DPP10: variants seen among roughly 807,000 people sequenced by gnomAD.
DPP10 encodes dipeptidyl peptidase like 10.
DPP10 carries 33 observed loss-of-function variants against 120.9 expected under a neutral mutation model. The ratio of observed to expected loss-of-function variants is 0.27; its 90% CI spans 0.21 to 0.37. The LOEUF is 0.37. Among genes scored for constraint, DPP10 ranks in the 10% least tolerant of loss-of-function variants. DPP10 has a pLI of 1.00. For missense variants in DPP10, 816 were observed against 942.8 expected (o/e 0.87, Z 1.76); for synonymous variants, 337 against 326.1 (o/e 1.03, Z -0.36).
intron 19 of DPP10, among the ~76,000 whole-genome samples, chr2:115,805,119 C>A (rs1219589097): frequency 6.6e-6 from 1 of 152,176 alleles, no homozygotes; most frequent in African/African-American, 2.4e-5. Context: ...TCTACTCAAG[C>A]CTCAGCAATG....
At chr2:115,077,122 C>G (rs999909643) in intron 1 of DPP10, among the ~76,000 whole-genome samples, 3 of 152,184 alleles carry the variant, frequency 2.0e-5, no homozygotes, top group African/African-American at 7.2e-5. Flanking sequence ...CTCCCTGATT[C>G]TTTCCATGCG....
rs182887590 is a variant in DPP10, at chr2:114,778,247, T to A, written c.60+335409T>A. Among the ~76,000 whole-genome samples, 118 of 152,260 alleles carry A rather than the reference T, an allele frequency of 7.7e-4. 3 individuals carry two copies. The highest frequency in any genetic ancestry group is 3.4e-3 in the Middle Eastern group (1 of 294). On this transcript the variant is annotated intron_variant, in intron 1 of 25. Transcript: ENST00000410059. ...GTCTTACTCTCTGGGTCAAGAAGGT[T>A]ATTTCAAAATGCAAGTTACTAAAGT...
chr2:114,986,449 C>T (rs1470594888), intron 1 of DPP10, among the ~76,000 whole-genome samples: 1 of 152,148 alleles, frequency 6.6e-6, no homozygotes, highest in Non-Finnish European at 1.5e-5. Flanking sequence ...ATCATTTACA[C>T]CTGCTTCCCT....
chr2:115,492,718 G>A (rs1290857208), intron 3 of DPP10, among the ~76,000 whole-genome samples: 4 of 152,028 alleles, frequency 2.6e-5, no homozygotes, highest in African/African-American at 9.7e-5. Flanking sequence ...GGTATAGATC[G>A]TTTCAATTCT....
intron 1 of DPP10, among the ~76,000 whole-genome samples, chr2:114,836,491 G>A (rs2106430083): frequency 6.6e-6 from 1 of 152,278 alleles, no homozygotes; most frequent in Non-Finnish European, 1.5e-5. Flanking sequence ...AAAGGGGAGG[G>A]AGTGTACGAA....
At chr2:115,378,449 T>C (rs1425512250) in intron 3 of DPP10, among the ~76,000 whole-genome samples, 1 of 151,772 alleles carries the variant, frequency 6.6e-6, no homozygotes, top group East Asian at 1.9e-4. Context: ...AAGGAGATTT[T>C]GGGCTGAGAC....
chr2:115,727,943 T>G lies in DPP10; in HGVS notation c.697+7T>G. 1 of 1,593,096 alleles carries G rather than the reference T, an allele frequency of 6.3e-7. No homozygotes were observed. Among genetic ancestry groups the G allele is most frequent in the Non-Finnish European group, 8.5e-7 (1 of 1,173,464 alleles). Reference sequence around the variant, plus strand: ...GCTGACTGGTTATATGAAGGTGAGTTGATCAGATTTAGTTTCAAAGGAAAC... The same window carrying G: ...GCTGACTGGTTATATGAAGGTGAGTGGATCAGATTTAGTTTCAAAGGAAAC... On this transcript the variant is annotated splice_region_variant and intron_variant, in intron 8 of 25. Transcript: ENST00000410059.
At chr2:115,511,132 T>C (rs534552641) in intron 4 of DPP10, among the ~76,000 whole-genome samples, 1 of 152,264 alleles carries the variant, frequency 6.6e-6, no homozygotes, top group South Asian at 2.1e-4. Context: ...TAGCAAATTG[T>C]TTCTTCCTTT....
intron 1 of DPP10, among the ~76,000 whole-genome samples, chr2:114,643,967 C>T (rs568782587): frequency 1.3e-4 from 17 of 135,644 alleles, no homozygotes; most frequent in African/African-American, 2.0e-4. Flanking sequence ...CAGAGTCTTG[C>T]GTTGTCATCC....
At chr2:114,526,304 C>T (rs537131364) in intron 1 of DPP10, among the ~76,000 whole-genome samples, 2 of 152,246 alleles carry the variant, frequency 1.3e-5, no homozygotes, top group Non-Finnish European at 2.9e-5. Context: ...TTGCTTGTTT[C>T]CCGTTCTGTT....
At chr2:115,435,105 T>C (rs1307598398) in intron 3 of DPP10, among the ~76,000 whole-genome samples, 1 of 151,664 alleles carries the variant, frequency 6.6e-6, no homozygotes, top group African/African-American at 2.4e-5. Flanking sequence ...TCATCTGTTA[T>C]TCCATATATT....
At position 114,866,619 on chromosome 2, in the gene DPP10, T is replaced by C. The variant is rs372404754; in HGVS notation, c.60+423781T>C. Among the ~76,000 whole-genome samples the C allele has an allele frequency of 4.1e-4, 63 of 152,342 alleles. No homozygotes were observed. In the South Asian group the frequency reaches 0.013, roughly 31 times the overall value. On this transcript the variant is annotated intron_variant, in intron 1 of 25. Coordinates refer to ENST00000410059, the MANE Select transcript of DPP10 (RefSeq NM_020868.6). ...TTTAATAGTCAAGGCAGCTGAGGTT[T>C]AGAGATGTTAAGTAATTTGCCCAAG...
intron 1 of DPP10, among the ~76,000 whole-genome samples, chr2:114,879,257 A>T (rs1691410311): frequency 6.6e-6 from 1 of 151,888 alleles, no homozygotes; most frequent in Admixed American, 6.6e-5. Flanking sequence ...TATAAGACAT[A>T]GTCCCTACCC....
At chr2:115,171,203 A>G (rs1349189960) in intron 1 of DPP10, among the ~76,000 whole-genome samples, 2 of 151,888 alleles carry the variant, frequency 1.3e-5, no homozygotes, top group African/African-American at 4.8e-5. Flanking sequence ...TCTACTAAAA[A>G]TACAAAAATT....
intron 1 of DPP10, among the ~76,000 whole-genome samples, chr2:115,286,920 T>C (rs534891362): frequency 6.6e-6 from 1 of 152,074 alleles, no homozygotes; most frequent in Non-Finnish European, 1.5e-5. Flanking sequence ...CATGGCAGCT[T>C]ATAATATTTA....
intron 1 of DPP10, among the ~76,000 whole-genome samples, chr2:114,767,207 C>CAAAAAAAAAAAAAAAAAA (rs5833559): frequency 1.2e-4 from 4 of 33,060 alleles, no homozygotes; most frequent in African/African-American, 2.5e-4. Flanking sequence ...AGGATAAAAG[C>CAAAAAAAAAAAAAAAAAA]AAAAAAAAAA....
At chr2:115,504,279 T>TTA (rs1218040403) in intron 4 of DPP10, among the ~76,000 whole-genome samples, 58 of 150,480 alleles carry the variant, frequency 3.9e-4, no homozygotes, top group African/African-American at 1.3e-3. Flanking sequence ...TGCCAACTTT[T>TTA]TTTTTTTTTT....
intron 5 of DPP10, among the ~76,000 whole-genome samples, chr2:115,678,822 G>A (rs1361456728): frequency 3.3e-5 from 5 of 152,224 alleles, no homozygotes; most frequent in African/African-American, 9.6e-5. Flanking sequence ...GATGCCCAAG[G>A]TTGTGGGAGC....
chr2:114,523,622 G>A lies in DPP10; in HGVS notation c.60+80784G>A, dbSNP rs527650811. Among the ~76,000 whole-genome samples, 5 of 152,334 alleles carry A rather than the reference G, an allele frequency of 3.3e-5. No homozygotes were observed. The East Asian group carries it at 7.7e-4, about 23-fold the overall frequency. On this transcript the variant is annotated intron_variant, in intron 1 of 25. Transcript: ENST00000410059. The stretch of plus-strand genomic sequence containing the variant: ...GAAAAGAGGCGCTGTAGAGGGAAAA[G>A]GAAGTGGGGAAAAGCCTAGACTTTT...
Sources: allele counts gnomAD v4.1 joint callset (sites outside exome capture counted in the v4.1 genomes callset), GRCh38; gene constraint gnomAD v4.1.1; transcripts MANE v1.5; gene names NCBI Gene and HGNC (gene_info 2026-07-23, HGNC 2026-07-21).